The following TCP11L2 variants were observed in gnomAD, a reference collection of about 807,000 sequenced individuals.
TCP11L2 encodes the protein T-complex protein 11-like protein 2.
Under a neutral mutation model 50.7 loss-of-function variants are expected in TCP11L2, and 39 were observed. The ratio of observed to expected loss-of-function variants is 0.77; its 90% CI spans 0.60 to 1.01. The LOEUF (loss-of-function observed/expected upper bound fraction) is 1.01. Among genes scored for constraint, TCP11L2 ranks in the 50% least tolerant of loss-of-function variants. The pLI is 0.00. For missense variants in TCP11L2, 612 were observed against 614.7 expected (o/e 1.00, Z 0.05); for synonymous variants, 192 against 219.3 (o/e 0.88, Z 1.10).
intron 8 of TCP11L2, among the ~76,000 whole-genome samples, chr12:106,338,363 T>C (rs561955394): frequency 2.0e-5 from 3 of 151,986 alleles, no homozygotes; most frequent in African/African-American, 7.3e-5. Flanking sequence ...TTCCCCTTTA[T>C]GTCCATGTTT....
chr12:106,319,774 T>G (rs547250831), intron 4 of TCP11L2, among the ~76,000 whole-genome samples: 2 of 152,234 alleles, frequency 1.3e-5, no homozygotes, highest in African/African-American at 4.8e-5. Context: ...GTCACACAAC[T>G]TTGTGGGGTA....
In TCP11L2 at chr12:106,311,131, A is replaced by T. The variant is rs1252210046; in HGVS notation, c.56A>T (p.Asp19Val). 6.2e-7 allele frequency: 1 copy of T among 1,614,044 alleles called. No individual in the cohort carries two copies. The highest frequency in any genetic ancestry group is 1.3e-5 in the African/African-American group (1 of 74,908). ...GGAGAGGACCAGCCAAGCGATTCTG[A>T]TTCTTCCCGGTTTTCCGAAAGCATG... Reference protein sequence around the residue: ...CVGEDQPSDSDSSRFSESMAS... With the variant: ...CVGEDQPSDSVSSRFSESMAS... Residue 19 changes from aspartate to valine, a missense_variant, in exon 2 of 10, where the codon GAT (aspartate) becomes GTT (valine). Physicochemically the swap from Asp to Val is radical, Grantham distance 152. Transcript: ENST00000299045.
chr12:106,329,920 G>A (rs1039956387), intron 6 of TCP11L2: 1 of 985,634 alleles, frequency 1.0e-6, no homozygotes, highest in African/African-American at 1.7e-5. Flanking sequence ...TTCTGGGGGT[G>A]GTGTTGCTTT....
At chr12:106,323,056 A>G (rs2035399175) in intron 5 of TCP11L2, among the ~76,000 whole-genome samples, 1 of 152,190 alleles carries the variant, frequency 6.6e-6, no homozygotes, top group African/African-American at 2.4e-5. Context: ...AGACTGATTT[A>G]CTTGTGTATA....
At chr12:106,299,178 G>T (rs1171343991), upstream of TCP11L2, among the ~76,000 whole-genome samples, 1 of 152,070 alleles carries the variant, frequency 6.6e-6, no homozygotes, top group Non-Finnish European at 1.5e-5. Context: ...TACAGGAGGG[G>T]TTAGGCTCTT....
chr12:106,329,416 A>G, intron 6 of TCP11L2: 2 of 1,535,732 alleles, frequency 1.3e-6, no homozygotes, highest in Non-Finnish European at 1.7e-6. Context: ...TGTGAGAGTG[A>G]AGTCTCTGCC....
intron 3 of TCP11L2, among the ~76,000 whole-genome samples, chr12:106,317,925 A>G (rs2035163375): frequency 6.6e-6 from 1 of 152,244 alleles, no homozygotes; most frequent in African/African-American, 2.4e-5. Context: ...ATTCAAATGC[A>G]TGTGCCCTTG....
intron 6 of TCP11L2, among the ~76,000 whole-genome samples, chr12:106,328,341 C>G (rs765456526): frequency 2.6e-5 from 4 of 152,142 alleles, no homozygotes; most frequent in Non-Finnish European, 4.4e-5. Context: ...TTCAGGAGAT[C>G]GAGACCATCC....
chr12:106,299,477 G>A (rs2034381078), upstream of TCP11L2, among the ~76,000 whole-genome samples: 1 of 152,162 alleles, frequency 6.6e-6, no homozygotes. Context: ...AAATGAAAAT[G>A]CAAGGCCCCC....
At chr12:106,305,838 T>C (rs1338282908) in intron 1 of TCP11L2, among the ~76,000 whole-genome samples, 2 of 152,062 alleles carry the variant, frequency 1.3e-5, no homozygotes, top group Admixed American at 6.5e-5. Context: ...TGCCCCGAAA[T>C]AGGAAGTTTG....
chr12:106,341,909 A>C (rs1045873402), intron 9 of TCP11L2, among the ~76,000 whole-genome samples: 1 of 152,186 alleles, frequency 6.6e-6, no homozygotes, highest in African/African-American at 2.4e-5. Context: ...CCTGAGGGGA[A>C]GAAAGTTAAG....
At chr12:106,334,472 A>G (rs60224628) in intron 6 of TCP11L2, among the ~76,000 whole-genome samples, 54,399 of 151,532 alleles carry the variant, frequency 0.36, 10,261 homozygotes, top group African/African-American at 0.45. Flanking sequence ...ACCTGTGGGT[A>G]CTCCCCCTAA....
intron 6 of TCP11L2, among the ~76,000 whole-genome samples, chr12:106,328,813 G>T (rs985143716): frequency 3.9e-5 from 6 of 152,274 alleles, no homozygotes; most frequent in Admixed American, 2.6e-4. Context: ...CACAAATCTG[G>T]ATAGGAAAAA....
At chr12:106,303,993 G>A (rs1012337752) in intron 1 of TCP11L2, 1 of 152,260 alleles carries the variant, frequency 6.6e-6, no homozygotes, top group Non-Finnish European at 1.5e-5. Context: ...AGCCCAGTCA[G>A]GGACTTTGCT....
At chr12:106,306,240 A>G (rs1403749658) in intron 1 of TCP11L2, among the ~76,000 whole-genome samples, 4 of 152,234 alleles carry the variant, frequency 2.6e-5, no homozygotes, top group South Asian at 2.1e-4. Context: ...TTAACCTTCT[A>G]TTTGGAAATA....
intron 4 of TCP11L2, among the ~76,000 whole-genome samples, 163 bp from the exon 5 acceptor site, chr12:106,321,323 A>G (rs1385116332): frequency 6.6e-6 from 1 of 152,206 alleles, no homozygotes; most frequent in African/African-American, 2.4e-5. Flanking sequence ...GGGTTGAGAC[A>G]CTGGAATGCT....
intron 2 of TCP11L2, among the ~76,000 whole-genome samples, chr12:106,312,985 A>G (rs942675385): frequency 6.6e-6 from 1 of 152,358 alleles, no homozygotes; most frequent in Middle Eastern, 3.4e-3. Context: ...GTGATTTTTA[A>G]AAGACATGAT....
At chr12:106,313,279 A>G (rs2034928382) in intron 2 of TCP11L2, among the ~76,000 whole-genome samples, 1 of 152,194 alleles carries the variant, frequency 6.6e-6, no homozygotes, top group Non-Finnish European at 1.5e-5. Flanking sequence ...TATACTGCCT[A>G]TACATTTAAA....
At chr12:106,309,173 G>A (rs1289926327) in intron 1 of TCP11L2, among the ~76,000 whole-genome samples, 1 of 152,172 alleles carries the variant, frequency 6.6e-6, no homozygotes, top group Non-Finnish European at 1.5e-5. Context: ...TTTAGGATTT[G>A]GGGTTTGGTG....
Sources: allele counts gnomAD v4.1 joint callset (sites outside exome capture counted in the v4.1 genomes callset), GRCh38; gene constraint gnomAD v4.1.1; transcripts MANE v1.5; gene names NCBI Gene and HGNC (gene_info 2026-07-23, HGNC 2026-07-21).